Variants in SPAG16 observed in about 807,000 individuals in gnomAD.
SPAG16 encodes sperm associated antigen 16.
A neutral mutation model predicts 80.4 loss-of-function variants in SPAG16; 86 were observed. The observed-to-expected ratio is 1.07, with a 90% CI of 0.90 to 1.28. SPAG16 has a LOEUF of 1.28. Among genes scored for constraint, SPAG16 ranks in the 50% most tolerant of loss-of-function variants. The probability of loss-of-function intolerance (pLI) is 0.00; values close to 1 mark genes in which losing one functional copy is unlikely to be tolerated. For missense variants in SPAG16, 870 were observed against 765.3 expected (o/e 1.14, Z -1.61); for synonymous variants, 294 against 265.9 (o/e 1.11, Z -1.03).
intron 3 of SPAG16, among the ~76,000 whole-genome samples, chr2:213,305,060 T>C (rs1479701359): frequency 5.9e-5 from 9 of 152,144 alleles, no homozygotes; most frequent in Non-Finnish European, 1.3e-4. Context: ...TTCATCAGTA[T>C]TTTATAGCTT....
chr2:213,484,370 T>C (rs2073887040), intron 9 of SPAG16, among the ~76,000 whole-genome samples: 1 of 152,232 alleles, frequency 6.6e-6, no homozygotes, highest in Non-Finnish European at 1.5e-5. Flanking sequence ...TCCTGACCCA[T>C]TCGTATTTTC....
chr2:214,035,069 C>G (rs562620228), intron 13 of SPAG16, among the ~76,000 whole-genome samples: 118 of 152,236 alleles, frequency 7.8e-4, no homozygotes, highest in Non-Finnish European at 1.5e-3. Flanking sequence ...GATAGCTACT[C>G]TCCACAGCTA....
At chr2:213,641,969 C>T (rs953967115) in intron 10 of SPAG16, among the ~76,000 whole-genome samples, 2 of 152,192 alleles carry the variant, frequency 1.3e-5, no homozygotes, top group Non-Finnish European at 2.9e-5. Context: ...TGATAAGTCA[C>T]TCACTATCAT....
At chr2:214,089,549 G>T (rs2052026039) in intron 13 of SPAG16, among the ~76,000 whole-genome samples, 1 of 151,826 alleles carries the variant, frequency 6.6e-6, no homozygotes, top group African/African-American at 2.4e-5. Context: ...TCTTTATCCT[G>T]GCTCATAGTT....
intron 15 of SPAG16, among the ~76,000 whole-genome samples, chr2:214,258,461 A>ATGTGTGTGTGTGTGTGTG (rs1319528567): frequency 1.4e-4 from 15 of 109,318 alleles, no homozygotes; most frequent in African/African-American, 3.7e-4. Flanking sequence ...GTGTGTATGT[A>ATGTGTGTGTGTGTGTGTG]TGTGTGTGTG....
At chr2:214,008,135 C>T (rs1427948789) in intron 12 of SPAG16, among the ~76,000 whole-genome samples, 4 of 151,764 alleles carry the variant, frequency 2.6e-5, no homozygotes, top group Non-Finnish European at 5.9e-5. Context: ...ACTATTTTTT[C>T]CTTCAGTACC....
At chr2:213,579,162 C>G (rs897452191) in intron 10 of SPAG16, among the ~76,000 whole-genome samples, 1 of 152,032 alleles carries the variant, frequency 6.6e-6, no homozygotes, top group Non-Finnish European at 1.5e-5. Context: ...TTTGAGCACA[C>G]TTTGAGTTTG....
intron 15 of SPAG16, among the ~76,000 whole-genome samples, chr2:214,318,370 A>ATTT (rs1553554217): frequency 1.9e-5 from 2 of 108,000 alleles, no homozygotes; most frequent in African/African-American, 5.9e-5. Context: ...GTGAGAGTGA[A>ATTT]TTCTTTTTTT....
intron 15 of SPAG16, among the ~76,000 whole-genome samples, chr2:214,152,143 C>G (rs1490698381): frequency 6.6e-6 from 1 of 151,226 alleles, no homozygotes; most frequent in Non-Finnish European, 1.5e-5. Context: ...TATCTATAAT[C>G]TTAAATTTCA....
intron 10 of SPAG16, among the ~76,000 whole-genome samples, chr2:213,528,315 G>T (rs1017336488): frequency 1.3e-5 from 2 of 152,024 alleles, no homozygotes; most frequent in Non-Finnish European, 2.9e-5. Context: ...GGGGGTGGGG[G>T]TAAGAATTGA....
chr2:213,313,072 A>G (rs1212661969), intron 4 of SPAG16, among the ~76,000 whole-genome samples: 1 of 151,868 alleles, frequency 6.6e-6, no homozygotes. Flanking sequence ...TTCTAGTTAT[A>G]TGTCCCATAA....
At chr2:213,907,237 T>G (rs940140413) in intron 11 of SPAG16, among the ~76,000 whole-genome samples, 1 of 152,076 alleles carries the variant, frequency 6.6e-6, no homozygotes, top group Non-Finnish European at 1.5e-5. Flanking sequence ...TAGACATATT[T>G]TAAAAGAAGA....
chr2:213,976,483 AG>A (rs2106398957), intron 12 of SPAG16, among the ~76,000 whole-genome samples: 1 of 152,166 alleles, frequency 6.6e-6, no homozygotes, highest in South Asian at 2.1e-4. Context: ...TGTAGCAAAA[AG>A]GACTTGCAGA....
chr2:213,968,616 T>C (rs1181689644), intron 12 of SPAG16, among the ~76,000 whole-genome samples: 7 of 152,226 alleles, frequency 4.6e-5, no homozygotes. Context: ...AACTAGACTT[T>C]TTTATTTCAG....
chr2:213,410,333 C>T (rs552033931), intron 9 of SPAG16, among the ~76,000 whole-genome samples: 1 of 152,288 alleles, frequency 6.6e-6, no homozygotes, highest in African/African-American at 2.4e-5. Context: ...AGGAACTTAC[C>T]AGGTCAAAGA....
At chr2:213,875,690 T>A (rs1296934924) in intron 11 of SPAG16, among the ~76,000 whole-genome samples, 1 of 152,176 alleles carries the variant, frequency 6.6e-6, no homozygotes, top group Non-Finnish European at 1.5e-5. Context: ...ATCTGAATAC[T>A]AAATACAGAT....
chr2:213,362,824 A>G (rs1197620820), intron 7 of SPAG16, among the ~76,000 whole-genome samples: 1 of 152,196 alleles, frequency 6.6e-6, no homozygotes, highest in Non-Finnish European at 1.5e-5. Context: ...TATTTGGCGC[A>G]TGGTTCTGCA....
At chr2:213,834,276 G>C (rs944187943) in intron 10 of SPAG16, among the ~76,000 whole-genome samples, 1 of 152,124 alleles carries the variant, frequency 6.6e-6, no homozygotes, top group African/African-American at 2.4e-5. Flanking sequence ...TTTAGCAGGA[G>C]AAAAGCATAA....
At chr2:214,262,751 G>A (rs548271112) in intron 15 of SPAG16, among the ~76,000 whole-genome samples, 3 of 152,018 alleles carry the variant, frequency 2.0e-5, no homozygotes, top group East Asian at 1.9e-4. Context: ...TGAAATAACC[G>A]CAAATACCAC....
Sources: allele counts gnomAD v4.1 joint callset (sites outside exome capture counted in the v4.1 genomes callset), GRCh38; gene constraint gnomAD v4.1.1; transcripts MANE v1.5; gene names NCBI Gene and HGNC (gene_info 2026-07-23, HGNC 2026-07-21).